The following GABRA1 variants were observed in gnomAD, a reference collection of about 807,000 sequenced individuals.
GABRA1 encodes the protein gamma-aminobutyric acid type A receptor subunit alpha1.
A neutral mutation model predicts 48.9 loss-of-function variants in GABRA1; 9 were observed. The observed-to-expected ratio is 0.18, with a 90% CI of 0.11 to 0.32. The LOEUF (loss-of-function observed/expected upper bound fraction) is 0.32, where lower values mean the gene tolerates loss of function less well. Ranked by LOEUF, GABRA1 falls within the 10% of genes least tolerant of loss-of-function variation. The probability of loss-of-function intolerance (pLI) is 1.00; values close to 1 mark genes in which losing one functional copy is unlikely to be tolerated. For missense variants in GABRA1, 285 were observed against 553.8 expected (o/e 0.51, Z 4.87); for synonymous variants, 210 against 198.7 (o/e 1.06, Z -0.48).
intron 7 of GABRA1, among the ~76,000 whole-genome samples, chr5:161,889,503 C>G (rs935451932): frequency 3.9e-5 from 6 of 152,020 alleles, no homozygotes; most frequent in Non-Finnish European, 7.4e-5. Context: ...TTCTATTCCA[C>G]TGAGGACCTG....
chr5:161,880,372 C>T (rs910290864), intron 6 of GABRA1, among the ~76,000 whole-genome samples: 11 of 152,124 alleles, frequency 7.2e-5, no homozygotes, highest in Middle Eastern at 3.4e-3. Flanking sequence ...AAATTGTAAA[C>T]GATAGGGTCC....
chr5:161,888,786 G>T (rs1754960568), intron 7 of GABRA1, among the ~76,000 whole-genome samples: 1 of 151,942 alleles, frequency 6.6e-6, no homozygotes, highest in South Asian at 2.1e-4. Flanking sequence ...TGACCTTAAA[G>T]ATATCACTAG....
intron 8 of GABRA1, among the ~76,000 whole-genome samples, chr5:161,894,253 A>G (rs1441243057): frequency 6.6e-6 from 1 of 152,156 alleles, no homozygotes; most frequent in Non-Finnish European, 1.5e-5. Flanking sequence ...GAAGCTCGTG[A>G]TTTTAAGTCA....
chr5:161,893,691 T>A (rs1755227717), intron 8 of GABRA1, among the ~76,000 whole-genome samples: 1 of 152,208 alleles, frequency 6.6e-6, no homozygotes, highest in Non-Finnish European at 1.5e-5. Context: ...CATCCAAGTT[T>A]GAGATTCAGT....
rs573791471 is a variant in GABRA1, at chr5:161,874,406, A to G, written c.476+1069A>G. ...ACATGTGTTGAGAACTTTCTAGATT[A>G]TCTAAGCAGGACCTATTCGTAATTG... On this transcript the variant is annotated intron_variant, in intron 5 of 9. Coordinates refer to ENST00000393943, the MANE Select transcript of GABRA1 (RefSeq NM_001127644.2). Among the ~76,000 whole-genome samples the G allele has an allele frequency of 2.8e-4, 42 of 152,214 alleles. 1 individual carries two copies. The highest frequency in any genetic ancestry group is 7.2e-4 in the African/African-American group (30 of 41,532).
At chr5:161,847,358 G>A (rs758048771), upstream of GABRA1, 2 of 152,110 alleles carry the variant, frequency 1.3e-5, no homozygotes, top group East Asian at 1.9e-4. Flanking sequence ...AGAAATGATC[G>A]GAGTGATTTA....
intron 8 of GABRA1, among the ~76,000 whole-genome samples, chr5:161,894,815 T>C (rs1755285508): frequency 6.6e-6 from 1 of 152,162 alleles, no homozygotes; most frequent in Admixed American, 6.5e-5. Flanking sequence ...GTAAGTAAAC[T>C]AAAATGGGCT....
chr5:161,893,048 T>A (rs72819329), intron 8 of GABRA1, among the ~76,000 whole-genome samples: 2,740 of 141,834 alleles, frequency 0.019, 52 homozygotes, highest in South Asian at 0.07. Context: ...ATAATAATAA[T>A]AAAATAAACA....
At chr5:161,868,397 G>A (rs1753964101) in intron 4 of GABRA1, among the ~76,000 whole-genome samples, 1 of 146,294 alleles carries the variant, frequency 6.8e-6, no homozygotes, top group Admixed American at 6.8e-5. Flanking sequence ...CAAGAGAAAA[G>A]GACTGAAATA....
chr5:161,880,417 G>A (rs1754564845), intron 6 of GABRA1, among the ~76,000 whole-genome samples: 1 of 152,090 alleles, frequency 6.6e-6, no homozygotes, highest in African/African-American at 2.4e-5. Context: ...TCTTCTAAGA[G>A]ATTTGTAAAT....
chr5:161,865,271 C>T (rs1032926761), intron 3 of GABRA1, among the ~76,000 whole-genome samples: 5 of 152,240 alleles, frequency 3.3e-5, no homozygotes, highest in African/African-American at 7.2e-5. Context: ...ATAAAACATA[C>T]TCTTGAGTCC....
chr5:161,895,977 A>C (rs925855434), intron 9 of GABRA1, 109 bp downstream of exon 9: 3 of 943,688 alleles, frequency 3.2e-6, no homozygotes, highest in Non-Finnish European at 5.1e-6. Flanking sequence ...AATAATAAGG[A>C]TTCTTTTTTT....
Position 161,897,689 on chromosome 5 carries a change from A to G in GABRA1, c.*267A>G. On this transcript the variant is annotated 3_prime_UTR_variant, in exon 10 of 10. Transcript: ENST00000393943. ...CAGAATGAGAGAGAAAAGAGGGGGA[A>G]GATGGTTCAAAGATACAAGAAAAAG... 2 of 424,546 alleles carry G rather than the reference A, an allele frequency of 4.7e-6. No individual in the cohort carries two copies. The highest frequency in any genetic ancestry group is 3.7e-5 in the South Asian group (1 of 27,046). The allele number at this position is 424,546 out of a possible 1,614,324, so 26.3% of individuals were successfully genotyped here. A position where few individuals can be genotyped will look rare whatever the true frequency, so the allele number is the denominator to read the frequency against.
At chr5:161,876,614 T>A (rs1328425484) in intron 6 of GABRA1, among the ~76,000 whole-genome samples, 1 of 152,166 alleles carries the variant, frequency 6.6e-6, no homozygotes, top group Non-Finnish European at 1.5e-5. Context: ...AGAATTTTAT[T>A]TATAAATCCC....
chr5:161,899,351 T>C lies in GABRA1; in HGVS notation c.*1929T>C, dbSNP rs2290733. On this transcript the variant is annotated 3_prime_UTR_variant, in exon 10 of 10. Coordinates refer to ENST00000393943, the MANE Select transcript of GABRA1 (RefSeq NM_001127644.2). Reference sequence around the variant, plus strand: ...TGAAGGCTGAATCAAAGACATTTCATCCACCAATATCATGTGTAGATATTA... The same window carrying C: ...TGAAGGCTGAATCAAAGACATTTCACCCACCAATATCATGTGTAGATATTA... The C allele has an allele frequency of 0.015, 2,333 of 152,676 alleles. 120 individuals carry two copies. The East Asian group carries it at 0.2, about 13-fold the overall frequency. 9.5% of individuals were successfully genotyped at this position (152,676 alleles called of 1,614,324 possible). A position where few individuals can be genotyped will look rare whatever the true frequency, so the allele number is the denominator to read the frequency against.
intron 6 of GABRA1, among the ~76,000 whole-genome samples, chr5:161,878,795 A>C (rs2113400353): frequency 6.6e-6 from 1 of 152,334 alleles, no homozygotes; most frequent in African/African-American, 2.4e-5. Flanking sequence ...AGATTCTGAC[A>C]TAAAGACCTA....
At chr5:161,853,146 A>C (rs1757516633) in intron 2 of GABRA1, among the ~76,000 whole-genome samples, 1 of 151,860 alleles carries the variant, frequency 6.6e-6, no homozygotes, top group South Asian at 2.1e-4. Flanking sequence ...CAATTCTCTC[A>C]AAGGATTTTG....
intron 7 of GABRA1, among the ~76,000 whole-genome samples, chr5:161,886,996 T>C (rs1374981386): frequency 2.6e-5 from 4 of 151,868 alleles, no homozygotes; most frequent in African/African-American, 9.7e-5. Flanking sequence ...ATATAACTTA[T>C]AAAGAAAAAC....
At chr5:161,887,272 G>A (rs943061812) in intron 7 of GABRA1, among the ~76,000 whole-genome samples, 2 of 152,110 alleles carry the variant, frequency 1.3e-5, no homozygotes, top group African/African-American at 4.8e-5. Context: ...TGCATGAGTT[G>A]ATGTAATCAT....
Sources: allele counts gnomAD v4.1 joint callset (sites outside exome capture counted in the v4.1 genomes callset), GRCh38; gene constraint gnomAD v4.1.1; transcripts MANE v1.5; gene names NCBI Gene and HGNC (gene_info 2026-07-23, HGNC 2026-07-21).